Variants in DLGAP2 observed in about 807,000 individuals in gnomAD.
The protein encoded by DLGAP2 is disks large-associated protein 2.
In DLGAP2, 26 loss-of-function variants were observed where a neutral mutation model predicts 100.3. The observed-to-expected ratio is 0.26, with a 90% confidence interval of 0.19 to 0.36. The LOEUF is 0.36. DLGAP2 is among the 10% of genes least tolerant of loss of function. DLGAP2 has a pLI of 1.00. For missense variants in DLGAP2, 1,858 were observed against 1,453.2 expected (o/e 1.28, Z -4.53); for synonymous variants, 886 against 630.1 (o/e 1.41, Z -6.08).
At chr8:1,319,766 A>G (rs1412490868) in intron 3 of DLGAP2, among the ~76,000 whole-genome samples, 1 of 152,214 alleles carries the variant, frequency 6.6e-6, no homozygotes. Context: ...GTTTCCAGGC[A>G]GGGAGATGTT....
chr8:1,235,093 C>T (rs1450356749), intron 2 of DLGAP2, among the ~76,000 whole-genome samples: 2 of 15,276 alleles, frequency 1.3e-4, no homozygotes, highest in African/African-American at 2.8e-4. Flanking sequence ...TCTCACATGG[C>T]GTCGTGTCTA....
chr8:1,011,094 G>A (rs561170207), intron 2 of DLGAP2, among the ~76,000 whole-genome samples: 3 of 152,126 alleles, frequency 2.0e-5, no homozygotes, highest in Admixed American at 1.3e-4. Flanking sequence ...CCTGGAATGA[G>A]GTACCTTAGT....
intron 3 of DLGAP2, among the ~76,000 whole-genome samples, chr8:1,437,813 C>CAA (rs59165125): frequency 0.25 from 21,226 of 84,974 alleles, 2,734 homozygotes; most frequent in Middle Eastern, 0.36. Context: ...ACTAAAAATA[C>CAA]AAAAAAAAAA....
chr8:857,030 C>G (rs980795994), intron 1 of DLGAP2, among the ~76,000 whole-genome samples: 1 of 152,132 alleles, frequency 6.6e-6, no homozygotes, highest in Non-Finnish European at 1.5e-5. Context: ...ACAAATAGAT[C>G]AATGGAACAG....
At chr8:1,422,185 A>G (rs1216064473) in intron 3 of DLGAP2, among the ~76,000 whole-genome samples, 1 of 152,160 alleles carries the variant, frequency 6.6e-6, no homozygotes, top group African/African-American at 2.4e-5. Context: ...CTAATGTCTT[A>G]TGGCCGCTAG....
intron 3 of DLGAP2, chr8:1,369,050 C>T (rs1802177564): frequency 6.6e-6 from 1 of 152,204 alleles, no homozygotes; most frequent in African/African-American, 2.4e-5. Context: ...CTAGTTCCCG[C>T]ACACACAGCC....
At chr8:1,530,360 G>A (rs373700559) in intron 4 of DLGAP2, among the ~76,000 whole-genome samples, 16 of 152,106 alleles carry the variant, frequency 1.1e-4, no homozygotes, top group Admixed American at 8.5e-4. Flanking sequence ...GCTCTGTTCT[G>A]CCCAGCTCAC....
intron 8 of DLGAP2, among the ~76,000 whole-genome samples, chr8:1,654,099 T>A (rs1798228831): frequency 6.6e-6 from 1 of 152,140 alleles, no homozygotes; most frequent in Admixed American, 6.5e-5. Context: ...GAATTAGCCC[T>A]CCCTTGAAAT....
At position 1,082,368 on chromosome 8, in the gene DLGAP2, A is replaced by T. The variant is rs537796441; in HGVS notation, c.73+174402A>T. On this transcript the variant is annotated intron_variant, in intron 2 of 14. Coordinates refer to ENST00000637795, the MANE Select transcript of DLGAP2 (RefSeq NM_001346810.2). ...CCATTTCTACGTTTTCTTTATTTTT[A>T]AAAAAATCACCTTTTCAAAATATTG... is the stretch of plus-strand genomic sequence containing the variant. Among the ~76,000 whole-genome samples the T allele has an allele frequency of 4.9e-3, 749 of 151,884 alleles. 5 individuals are homozygous for T. The highest frequency in any genetic ancestry group is 8.7e-3 in the Non-Finnish European group (589 of 67,788).
intron 2 of DLGAP2, among the ~76,000 whole-genome samples, chr8:1,081,658 GA>G (rs1200395689): frequency 9.9e-5 from 15 of 152,186 alleles, no homozygotes; most frequent in African/African-American, 3.4e-4. Context: ...CTAGTTTTGA[GA>G]AAAAATATTC....
chr8:1,149,350 T>C (rs1289829540), intron 2 of DLGAP2, among the ~76,000 whole-genome samples: 2 of 152,104 alleles, frequency 1.3e-5, no homozygotes, highest in Admixed American at 1.3e-4. Flanking sequence ...AGTTTCACTG[T>C]GTTAGCCAGG....
At chr8:1,588,731 T>C (rs1796200017) in intron 6 of DLGAP2, among the ~76,000 whole-genome samples, 1 of 125,408 alleles carries the variant, frequency 8.0e-6, no homozygotes. Flanking sequence ...GTGAAAGCTG[T>C]CTTTACTAAA....
intron 3 of DLGAP2, among the ~76,000 whole-genome samples, chr8:1,367,823 A>G (rs1043605083): frequency 1.3e-5 from 2 of 152,242 alleles, no homozygotes; most frequent in African/African-American, 4.8e-5. Flanking sequence ...TGTATCACAA[A>G]TAGCAAGTTA....
At chr8:1,017,956 C>G (rs570216222) in intron 2 of DLGAP2, among the ~76,000 whole-genome samples, 8 of 152,332 alleles carry the variant, frequency 5.3e-5, no homozygotes, top group Admixed American at 2.0e-4. Flanking sequence ...GGCCACTTTC[C>G]TAGTTGTGGC....
intron 3 of DLGAP2, among the ~76,000 whole-genome samples, chr8:1,334,937 TC>T (rs1431478971): frequency 3.9e-5 from 6 of 152,164 alleles, no homozygotes; most frequent in Admixed American, 1.3e-4. Context: ...GTTTGCCATC[TC>T]CCATCAGGCA....
intron 3 of DLGAP2, among the ~76,000 whole-genome samples, chr8:1,439,788 C>G (rs1037615906): frequency 1.3e-5 from 2 of 152,094 alleles, no homozygotes; most frequent in Non-Finnish European, 2.9e-5. Context: ...TTCCGATGAG[C>G]CACGTGTGCA....
At chr8:955,246 A>T (rs1470194138) in intron 2 of DLGAP2, among the ~76,000 whole-genome samples, 2 of 152,008 alleles carry the variant, frequency 1.3e-5, no homozygotes, top group Non-Finnish European at 2.9e-5. Flanking sequence ...CCAGGTGCAC[A>T]TTTGCCTCTT....
At chr8:957,629 T>C (rs1212332422) in intron 2 of DLGAP2, among the ~76,000 whole-genome samples, 2 of 152,208 alleles carry the variant, frequency 1.3e-5, no homozygotes, top group Admixed American at 6.5e-5. Flanking sequence ...AGTGTTGAAA[T>C]AGTCAAATGA....
chr8:1,138,856 C>T (rs113830448), intron 2 of DLGAP2, among the ~76,000 whole-genome samples: 5 of 151,410 alleles, frequency 3.3e-5, no homozygotes, highest in Admixed American at 6.6e-5. Flanking sequence ...TGGTGGGAAA[C>T]TCTTCCTGTT....
Sources: allele counts gnomAD v4.1 joint callset (sites outside exome capture counted in the v4.1 genomes callset), GRCh38; gene constraint gnomAD v4.1.1; transcripts MANE v1.5; gene names NCBI Gene and HGNC (gene_info 2026-07-23, HGNC 2026-07-21).